The following CACNA2D3 variants were observed in gnomAD, a reference collection of about 807,000 sequenced individuals.
CACNA2D3 encodes the protein calcium voltage-gated channel auxiliary subunit alpha2delta 3, also known as voltage-dependent calcium channel subunit alpha-2/delta-3.
CACNA2D3 carries 60 observed loss-of-function variants against 160.6 expected under a neutral mutation model. The observed-to-expected ratio is 0.37, with a 90% confidence interval of 0.30 to 0.46. The LOEUF (loss-of-function observed/expected upper bound fraction) is 0.46. CACNA2D3 is among the 20% of genes least tolerant of loss of function. The pLI is 1.00. For synonymous variants in CACNA2D3, 558 were observed against 492.9 expected (o/e 1.13, Z -1.75); for missense variants, 1,205 against 1,365.0 (o/e 0.88, Z 1.85).
intron 2 of CACNA2D3, among the ~76,000 whole-genome samples, chr3:54,270,602 G>A (rs192528131): frequency 2.3e-3 from 349 of 152,322 alleles, no homozygotes; most frequent in Non-Finnish European, 2.9e-3. Flanking sequence ...AGTTCCATAG[G>A]TTGGAAGCCT....
At chr3:54,224,201 G>A (rs1348853418) in intron 2 of CACNA2D3, among the ~76,000 whole-genome samples, 2 of 152,062 alleles carry the variant, frequency 1.3e-5, no homozygotes, top group Non-Finnish European at 2.9e-5. Context: ...CACCTAGAGA[G>A]CTGTCATCTC....
At chr3:55,009,492 G>C in intron 34 of CACNA2D3, 49 bp downstream of exon 34, 1 of 1,514,306 alleles carries the variant, frequency 6.6e-7, no homozygotes, top group Non-Finnish European at 9.2e-7. Context: ...ATAAGCGCTG[G>C]GTTCACTGGC....
intron 2 of CACNA2D3, among the ~76,000 whole-genome samples, chr3:54,128,593 G>A (rs1022509923): frequency 1.3e-5 from 2 of 152,176 alleles, no homozygotes; most frequent in African/African-American, 4.8e-5. Context: ...ATGCTATGAT[G>A]CCAACAAACG....
chr3:54,739,201 C>T (rs1178653678), intron 11 of CACNA2D3, among the ~76,000 whole-genome samples: 3 of 151,830 alleles, frequency 2.0e-5, no homozygotes, highest in Non-Finnish European at 4.4e-5. Flanking sequence ...GAGTGGATCA[C>T]CTGAGGTCAG....
intron 5 of CACNA2D3, among the ~76,000 whole-genome samples, chr3:54,531,014 A>G (rs1701798090): frequency 6.6e-6 from 1 of 152,222 alleles, no homozygotes; most frequent in South Asian, 2.1e-4. Context: ...TTTGGTTTAA[A>G]GAACACAGAG....
At position 54,581,868 on chromosome 3, in the gene CACNA2D3, A is replaced by G. The variant is rs1343216619; in HGVS notation, c.954A>G (p.Thr318=). 3 of 1,613,694 alleles carry G rather than the reference A, an allele frequency of 1.9e-6. No homozygotes were observed. Among genetic ancestry groups the G allele is most frequent in the Non-Finnish European group, 8.5e-7 (1 of 1,179,816 alleles). ...LNGTLVQADR[T]NKEHFREHLD... Reference sequence around the variant, plus strand: ...GAACTTTGGTGCAAGCCGACAGGACAAACAAAGAGGTAGGGGCAGCTCGGG... The same window carrying G: ...GAACTTTGGTGCAAGCCGACAGGACGAACAAAGAGGTAGGGGCAGCTCGGG... The change falls in exon 9 of 38, where the codon ACA becomes ACG. Residue 318 remains threonine (T), a synonymous_variant. Transcript: ENST00000474759.
intron 2 of CACNA2D3, among the ~76,000 whole-genome samples, chr3:54,304,051 A>C (rs905598595): frequency 6.6e-6 from 1 of 152,020 alleles, no homozygotes; most frequent in Admixed American, 6.6e-5. Context: ...GACTCTTGAC[A>C]TGTTTGGTCA....
chr3:54,324,763 G>A (rs992951421), intron 3 of CACNA2D3, among the ~76,000 whole-genome samples: 1 of 152,066 alleles, frequency 6.6e-6, no homozygotes, highest in South Asian at 2.1e-4. Context: ...ACAAGAAATG[G>A]AGTCCATTTG....
intron 2 of CACNA2D3, among the ~76,000 whole-genome samples, chr3:54,266,115 T>C (rs1171625142): frequency 6.6e-6 from 1 of 152,196 alleles, no homozygotes; most frequent in Non-Finnish European, 1.5e-5. Flanking sequence ...AATCAGTGAC[T>C]TGGAAGTTTT....
At chr3:54,565,016 G>A (rs1702386884) in intron 6 of CACNA2D3, among the ~76,000 whole-genome samples, 1 of 152,056 alleles carries the variant, frequency 6.6e-6, no homozygotes, top group Non-Finnish European at 1.5e-5. Flanking sequence ...CCTCGTAATG[G>A]GGAACAGGCC....
chr3:54,470,170 G>A (rs535898326), intron 4 of CACNA2D3, among the ~76,000 whole-genome samples: 3 of 152,292 alleles, frequency 2.0e-5, no homozygotes, highest in African/African-American at 7.2e-5. Context: ...AATGTTAAGG[G>A]CAGCCAGAGA....
At chr3:54,608,110 G>A (rs1303313590) in intron 9 of CACNA2D3, among the ~76,000 whole-genome samples, 1 of 152,132 alleles carries the variant, frequency 6.6e-6, no homozygotes, top group East Asian at 1.9e-4. Context: ...GTCTATTCTT[G>A]TGATAAAATT....
intron 2 of CACNA2D3, among the ~76,000 whole-genome samples, chr3:54,240,409 C>T (rs745331636): frequency 1.3e-5 from 2 of 152,164 alleles, no homozygotes; most frequent in Non-Finnish European, 1.5e-5. Flanking sequence ...TAATGCTTCT[C>T]AAAGGCGGTT....
chr3:54,157,320 C>T lies in CACNA2D3; in HGVS notation c.204+33726C>T, dbSNP rs9845702. The stretch of plus-strand genomic sequence containing the variant: ...CCTCCATTACCAATGGGGGTTAGGG[C>T]TTCAGCGTATGAATTTTGGAGTGTG... On this transcript the variant is annotated intron_variant, in intron 2 of 37. Transcript: ENST00000474759. Among the ~76,000 whole-genome samples the T allele has an allele frequency of 9.3e-3, 1,411 of 152,282 alleles. 17 individuals are homozygous for T. The highest frequency in any genetic ancestry group is 0.031 in the African/African-American group (1,291 of 41,546).
rs369424313 is a variant in CACNA2D3 at position 54,216,336 on chromosome 3, A to G, written c.204+92742A>G. On this transcript the variant is annotated intron_variant, in intron 2 of 37. Coordinates refer to ENST00000474759, the MANE Select transcript of CACNA2D3 (RefSeq NM_018398.3). ...ACACTTCACGTTTCAGTGATGTTTA[A>G]AAGTGCGTGTTTTGATTATCTTTAA... Among the ~76,000 whole-genome samples, 60 of 152,342 alleles carry G rather than the reference A, an allele frequency of 3.9e-4. 1 individual carries two copies. Among genetic ancestry groups the G allele is most frequent in the African/African-American group, 1.4e-3 (59 of 41,584 alleles).
At chr3:54,722,238 C>T (rs527685588) in intron 11 of CACNA2D3, among the ~76,000 whole-genome samples, 81 of 152,330 alleles carry the variant, frequency 5.3e-4, no homozygotes, top group African/African-American at 1.7e-3. Context: ...ACGAAGTTCT[C>T]ATGCTGTGTT....
intron 11 of CACNA2D3, among the ~76,000 whole-genome samples, chr3:54,732,403 T>C (rs1020702218): frequency 1.3e-5 from 2 of 152,190 alleles, no homozygotes; most frequent in Non-Finnish European, 2.9e-5. Context: ...AAGGGCTGTT[T>C]GGTTTGAATG....
intron 35 of CACNA2D3, among the ~76,000 whole-genome samples, chr3:55,066,465 G>A (rs358067): frequency 0.67 from 102,116 of 152,042 alleles, 35,279 homozygotes; most frequent in Non-Finnish European, 0.76. Flanking sequence ...GTGCAATCCT[G>A]TGGTCCTCGG....
At chr3:54,418,915 C>T (rs1699797403) in intron 4 of CACNA2D3, among the ~76,000 whole-genome samples, 1 of 152,120 alleles carries the variant, frequency 6.6e-6, no homozygotes, top group Non-Finnish European at 1.5e-5. Flanking sequence ...CATATTTAAC[C>T]TCTACCTCCT....
Sources: gnomAD v4.1 joint callset for allele counts (sites outside exome capture counted in the v4.1 genomes callset) on GRCh38, gnomAD v4.1.1 for gene constraint, MANE v1.5 for transcripts, NCBI Gene and HGNC (gene_info 2026-07-23, HGNC 2026-07-21) for gene names.